Variants in PCDHGB5 observed in about 807,000 individuals in gnomAD.
PCDHGB5 encodes the protein protocadherin gamma subfamily B, 5.
Under a neutral mutation model 62.9 loss-of-function variants are expected in PCDHGB5, and 48 were observed. The observed-to-expected ratio is 0.76, with a 90% confidence interval of 0.61 to 0.97. The LOEUF is 0.97. PCDHGB5 is among the 50% of genes least tolerant of loss of function. PCDHGB5 has a pLI of 0.00. For synonymous variants in PCDHGB5, 474 were observed against 511.2 expected, an observed-to-expected ratio of 0.93 and a Z score of 0.98; for missense variants, 1,118 against 1,198.6, an observed-to-expected ratio of 0.93 and a Z score of 0.99.
At chr5:141,427,008 C>G (rs762510673) in intron 1 of PCDHGB5, 145 of 456,786 alleles carry the variant, frequency 3.2e-4, no homozygotes, top group African/African-American at 2.8e-3. Context: ...AGTTTTTAGC[C>G]AGGATGTATA....
rs1384424498 is a variant in PCDHGB5, at chr5:141,431,677, G to A, written c.2397+31153G>A. On this transcript the variant is annotated intron_variant, in intron 1 of 3. Coordinates refer to ENST00000617380, the MANE Select transcript of PCDHGB5 (RefSeq NM_018925.3). This position sits in a 1 kb window ranked among gnomAD's most constrained non-coding sequence, Gnocchi z 4.8. The stretch of plus-strand genomic sequence containing the variant: ...CAGGGACAATATCAACAATAGGGGA[G>A]TTGGACCACGAGGAGTCAGGATTCT... 2 of 1,614,236 alleles carry A rather than the reference G, an allele frequency of 1.2e-6. No homozygotes were observed. The highest frequency in any genetic ancestry group is 1.7e-6 in the Non-Finnish European group (2 of 1,180,050).
At chr5:141,483,385 G>C (rs1166547027) in intron 1 of PCDHGB5, among the ~76,000 whole-genome samples, 1 of 152,160 alleles carries the variant, frequency 6.6e-6, no homozygotes, top group Non-Finnish European at 1.5e-5. Context: ...AGAGAAGATT[G>C]ATAAATGCTT....
At position 141,409,157 on chromosome 5, in the gene PCDHGB5, G is replaced by C. The variant is rs774813801; in HGVS notation, c.2397+8633G>C. 4 of 1,614,054 alleles carry C rather than the reference G, an allele frequency of 2.5e-6. No homozygotes were observed. In the South Asian group the frequency reaches 4.4e-5, roughly 18 times the overall value. ...AGATGTAGAAAGGTACACCATGGAA[G>C]TGGAAGCGAAGGACGGAGGTGGTCT... On this transcript the variant is annotated intron_variant, in intron 1 of 3. Coordinates refer to ENST00000617380, the MANE Select transcript of PCDHGB5 (RefSeq NM_018925.3).
At chr5:141,403,390 G>A in intron 1 of PCDHGB5, 1 of 1,614,038 alleles carries the variant, frequency 6.2e-7, no homozygotes, top group Non-Finnish European at 8.5e-7. Context: ...ACGAAATCGC[G>A]GTTCCTGGAG....
intron 1 of PCDHGB5, among the ~76,000 whole-genome samples, chr5:141,461,267 T>C (rs2099012147): frequency 6.6e-6 from 1 of 152,140 alleles, no homozygotes; most frequent in Admixed American, 6.6e-5. Flanking sequence ...AATGTGTAAG[T>C]GTTCTCTTTT....
Position 141,485,448 on chromosome 5 carries a change from G to A in PCDHGB5, c.2398-9359G>A. On this transcript the variant is annotated intron_variant, in intron 1 of 3. Coordinates refer to ENST00000617380, the MANE Select transcript of PCDHGB5 (RefSeq NM_018925.3). This position sits in a 1 kb window ranked among gnomAD's most constrained non-coding sequence, Gnocchi z 5.7. ...CTGCTCATCAAGAACCCAATCGACC[G>A]AGAGGCACTGTGTGGGCTCAGTGCC... is the stretch of plus-strand genomic sequence containing the variant. 1 of 1,614,154 alleles carries A rather than the reference G, an allele frequency of 6.2e-7. No homozygotes were observed.
intron 1 of PCDHGB5, chr5:141,418,297 C>T (rs760176371): frequency 2.5e-6 from 4 of 1,614,026 alleles, no homozygotes; most frequent in African/African-American, 2.7e-5. Flanking sequence ...GTGAATCCGT[C>T]AGCCTGGGGA....
At chr5:141,446,061 AG>A (rs903957950) in intron 1 of PCDHGB5, among the ~76,000 whole-genome samples, 3 of 152,226 alleles carry the variant, frequency 2.0e-5, no homozygotes, top group African/African-American at 7.2e-5. Context: ...CTTGGATTAA[AG>A]GGGAGGCAGT....
chr5:141,415,968 C>T (rs1382830747), intron 1 of PCDHGB5: 2 of 390,600 alleles, frequency 5.1e-6, no homozygotes, highest in African/African-American at 2.1e-5. Context: ...ACTCCAGCCC[C>T]TTAAGCAACC....
At chr5:141,437,939 T>C (rs1055613655) in intron 1 of PCDHGB5, among the ~76,000 whole-genome samples, 3 of 152,152 alleles carry the variant, frequency 2.0e-5, no homozygotes, top group African/African-American at 7.2e-5. Flanking sequence ...GGTTTCACCA[T>C]ATTGGCCAGA....
rs919100488 is a variant in PCDHGB5 at position 141,511,573 on chromosome 5, G to A, written c.*400G>A. On this transcript the variant is annotated 3_prime_UTR_variant, in exon 4 of 4. Transcript: ENST00000617380. ...ACAGTTCCTCTTTCCCGAGTAAGGT[G>A]GTTGGGGTGTTGAAGTACCAAGTAA... 1.1e-4 allele frequency: 33 copies of A among 288,248 alleles called. No individual in the cohort carries two copies. Among genetic ancestry groups the A allele is most frequent in the African/African-American group, 7.1e-4 (33 of 46,356 alleles). The allele number at this position is 288,248 out of a possible 1,614,324, so 17.9% of individuals were successfully genotyped here.
rs71576115 is a variant in PCDHGB5 at position 141,463,438 on chromosome 5, C to CTTTT, written c.2398-31344_2398-31341dup. Among the ~76,000 whole-genome samples, 106 of 103,254 alleles carry CTTTT rather than the reference C, an allele frequency of 1.0e-3. 8 individuals are homozygous for CTTTT. Among genetic ancestry groups the CTTTT allele is most frequent in the African/African-American group, 3.9e-3 (88 of 22,404 alleles). The allele number at this position is 103,254 out of a possible 152,430, so 67.7% of individuals were successfully genotyped here. ...GTTTGCGGATCCTCATTTCCTTCTC[C>CTTTT]TTTTTTTTTTTTTTTTTTTTTTTTT... is the stretch of plus-strand genomic sequence containing the variant. On this transcript the variant is annotated intron_variant, in intron 1 of 3. Transcript: ENST00000617380.
chr5:141,507,023 C>T (rs971356315), intron 3 of PCDHGB5: 16 of 152,348 alleles, frequency 1.1e-4, no homozygotes, highest in African/African-American at 2.4e-4. Flanking sequence ...AAGGCACTTG[C>T]CCCAGGGTCC....
chr5:141,473,680 C>T (rs888876529), intron 1 of PCDHGB5, among the ~76,000 whole-genome samples: 3 of 152,100 alleles, frequency 2.0e-5, no homozygotes, highest in Non-Finnish European at 2.9e-5. Flanking sequence ...CAGGGAAGGG[C>T]TGGGGTTCTG....
intron 1 of PCDHGB5, among the ~76,000 whole-genome samples, chr5:141,454,743 G>A (rs1050167077): frequency 6.7e-6 from 1 of 149,684 alleles, no homozygotes; most frequent in African/African-American, 2.5e-5. Context: ...ATGAAAAGAG[G>A]CCAAACTAAT....
chr5:141,402,944 G>A (rs1487270083), intron 1 of PCDHGB5: 2 of 1,592,136 alleles, frequency 1.3e-6, no homozygotes, highest in Non-Finnish European at 1.7e-6. Context: ...ATTCCAAAGC[G>A]AGGCAGCAAT....
At chr5:141,475,903 G>A in intron 1 of PCDHGB5, 1 of 576,064 alleles carries the variant, frequency 1.7e-6, no homozygotes. Context: ...TGCCGCTGTC[G>A]GCCAATGAAG....
intron 1 of PCDHGB5, chr5:141,427,778 A>T: frequency 1.4e-6 from 2 of 1,436,676 alleles, no homozygotes; most frequent in Non-Finnish European, 1.9e-6. Context: ...AGCTGCGGGC[A>T]CTGTCGTCCT....
Position 141,431,789 on chromosome 5 carries a change from G to A in PCDHGB5, c.2397+31265G>A, listed in dbSNP as rs760507500. On this transcript the variant is annotated intron_variant, in intron 1 of 3. Coordinates refer to ENST00000617380, the MANE Select transcript of PCDHGB5 (RefSeq NM_018925.3). This position sits in a 1 kb window ranked among gnomAD's most constrained non-coding sequence, Gnocchi z 4.8. ...CACTGTTCTGGACGTGAACGACAATGCCCCAGAAGTGGTCCTCACCTCTCT... is the reference window on the plus strand; with the variant it reads ...CACTGTTCTGGACGTGAACGACAATACCCCAGAAGTGGTCCTCACCTCTCT... 7.4e-6 allele frequency: 12 copies of A among 1,614,096 alleles called. No homozygotes were observed. The highest frequency in any genetic ancestry group is 5.9e-6 in the Non-Finnish European group (7 of 1,180,042).
Sources: allele counts gnomAD v4.1 joint callset (sites outside exome capture counted in the v4.1 genomes callset), GRCh38; gene constraint gnomAD v4.1.1; non-coding constraint Gnocchi (gnomAD v3.1); transcripts MANE v1.5; gene names NCBI Gene and HGNC (gene_info 2026-07-23, HGNC 2026-07-21).